POFUT2: variants seen among roughly 807,000 people sequenced by gnomAD.
The protein encoded by POFUT2 is GDP-fucose protein O-fucosyltransferase 2.
A neutral mutation model predicts 55.0 loss-of-function variants in POFUT2; 30 were observed. The ratio of observed to expected loss-of-function variants is 0.55; its 90% CI spans 0.41 to 0.74. The LOEUF (loss-of-function observed/expected upper bound fraction) is 0.74. Ranked by LOEUF, POFUT2 falls within the 30% of genes least tolerant of loss-of-function variation. The pLI is 0.00. For synonymous variants in POFUT2, 267 were observed against 231.1 expected (o/e 1.16, Z -1.41); for missense variants, 524 against 562.6 (o/e 0.93, Z 0.69).
chr21:45,274,882 A>G (rs2093249367), intron 6 of POFUT2, among the ~76,000 whole-genome samples: 1 of 152,242 alleles, frequency 6.6e-6, no homozygotes, highest in Admixed American at 6.5e-5. Flanking sequence ...TTAGGCAAAG[A>G]GTTCCTGACC....
rs776567342 is a variant in POFUT2 at position 45,287,721 on chromosome 21, C to A, written c.131+20G>T. Reference sequence around the variant, plus strand: ...CCCGGTCCTGGAACCCCAGCGTTGGCACCGTGGACGCGCGTTTACCGTCTG... The same window carrying A: ...CCCGGTCCTGGAACCCCAGCGTTGGAACCGTGGACGCGCGTTTACCGTCTG... On this transcript the variant is annotated intron_variant, in intron 1 of 8. Transcript: ENST00000349485. 7.9e-7 allele frequency: 1 copy of A among 1,261,296 alleles called. No individual in the cohort carries two copies. The allele number at this position is 1,261,296 out of a possible 1,614,324, so 78.1% of individuals were successfully genotyped here. A position where few individuals can be genotyped will look rare whatever the true frequency, so the allele number is the denominator to read the frequency against.
At chr21:45,278,067 A>G (rs1325860637) in intron 5 of POFUT2, 36 bp downstream of exon 5, 4 of 1,515,350 alleles carry the variant, frequency 2.6e-6, no homozygotes, top group South Asian at 1.1e-5. Context: ...GGCAACATAC[A>G]CTAACTGAGA....
intron 6 of POFUT2, among the ~76,000 whole-genome samples, chr21:45,274,001 A>G (rs149678950): frequency 6.6e-6 from 1 of 152,368 alleles, no homozygotes; most frequent in East Asian, 1.9e-4. Context: ...ACGGCATCCA[A>G]ATCAGTAAAG....
rs79644401 is a variant in POFUT2, at chr21:45,265,099, C to T, written c.*383G>A. ...TCCACCTGACGGAGGGCAGCTCACC[C>T]GCCTGCATCTATCCTCAATGCACTT... On this transcript the variant is annotated 3_prime_UTR_variant, in exon 9 of 9. Coordinates refer to ENST00000349485, the MANE Select transcript of POFUT2 (RefSeq NM_133635.6). This position sits in a 1 kb window ranked among gnomAD's most constrained non-coding sequence, Gnocchi z 4.6. 0.014 allele frequency: 2,247 copies of T among 164,904 alleles called. 50 individuals carry two copies. The highest frequency in any genetic ancestry group is 0.05 in the African/African-American group (2,113 of 42,056). The allele number at this position is 164,904 out of a possible 1,614,324, so 10.2% of individuals were successfully genotyped here. A position where few individuals can be genotyped will look rare whatever the true frequency, so the allele number is the denominator to read the frequency against.
Position 45,281,768 on chromosome 21 carries a change from C to A in POFUT2, c.638+581G>T, listed in dbSNP as rs1410410226. ...GGGAGGTGACGGAGAGGGTCCCAGT[C>A]TGCAGCAAGTTCTAAGAACGTGGCC... is the stretch of plus-strand genomic sequence containing the variant. On this transcript the variant is annotated intron_variant, in intron 4 of 8. Coordinates refer to ENST00000349485, the MANE Select transcript of POFUT2 (RefSeq NM_133635.6). The surrounding 1 kb of genome is among the most constrained non-coding windows in gnomAD (Gnocchi z 5.0). Among the ~76,000 whole-genome samples, 1 of 152,046 alleles carries A rather than the reference C, an allele frequency of 6.6e-6. No individual in the cohort carries two copies. The highest frequency in any genetic ancestry group is 1.5e-5 in the Non-Finnish European group (1 of 68,006).
rs145058810 is a variant in POFUT2 at position 45,278,359 on chromosome 21, C to T, written c.639-190G>A. On this transcript the variant is annotated intron_variant, in intron 4 of 8. Transcript: ENST00000349485. The stretch of plus-strand genomic sequence containing the variant: ...AGGCTGCTGTCTGGCCTCCACACCA[C>T]GGTTCTGAGAGGGCTTTAATGCCTA... Among the ~76,000 whole-genome samples, 446 of 152,264 alleles carry T rather than the reference C, an allele frequency of 2.9e-3. 2 individuals are homozygous for T. The highest frequency in any genetic ancestry group is 5.6e-3 in the Non-Finnish European group (382 of 68,006).
At chr21:45,280,267 T>A (rs1158220561) in intron 4 of POFUT2, among the ~76,000 whole-genome samples, 1 of 152,242 alleles carries the variant, frequency 6.6e-6, no homozygotes, top group Non-Finnish European at 1.5e-5. Context: ...TTCATGCACA[T>A]GGAACATGAC....
rs917402864 is a variant in POFUT2 at position 45,277,393 on chromosome 21, G to A, written c.706-251C>T. ...GCCAGCCCCTGCCGTGGGAAGCTGC[G>A]GCACACACTGGGCTCAGCTGGCCGT... On this transcript the variant is annotated intron_variant, in intron 5 of 8. Transcript: ENST00000349485. This position sits in a 1 kb window ranked among gnomAD's most constrained non-coding sequence, Gnocchi z 6.9. The A allele has an allele frequency of 4.0e-6, 2 of 497,694 alleles. No homozygotes were observed. The highest frequency in any genetic ancestry group is 3.4e-5 in the Admixed American group (1 of 29,302). The allele number at this position is 497,694 out of a possible 1,614,324, so 30.8% of individuals were successfully genotyped here.
intron 4 of POFUT2, among the ~76,000 whole-genome samples, chr21:45,280,447 G>A (rs1011431201): frequency 1.1e-4 from 16 of 152,190 alleles, no homozygotes; most frequent in African/African-American, 3.6e-4. Context: ...ACGTTCCTGG[G>A]CAGGGGTCTG....
chr21:45,285,734 T>A lies in POFUT2; in HGVS notation c.326A>T (p.Asp109Val), dbSNP rs954171303. 2.5e-6 allele frequency: 4 copies of A among 1,613,682 alleles called. No homozygotes were observed. In the African/African-American group the frequency reaches 5.3e-5, roughly 22 times the overall value. The change falls in exon 2 of 9, where the codon GAT becomes GTT. Residue 109 changes from aspartate to valine, a missense_variant. Transcript: ENST00000349485. This position sits in a 1 kb window ranked among gnomAD's most constrained non-coding sequence, Gnocchi z 4.9. ...GATGTTTTTATTGAGACTTGGAAGA[T>A]CAAAAAACTCAGACCAGGGAATCCG... ...QVRIPWSEFFDLPSLNKNIPV... is the reference protein window; with the variant it reads ...QVRIPWSEFFVLPSLNKNIPV...
At chr21:45,266,864 T>G in intron 8 of POFUT2, 1 of 1,004,848 alleles carries the variant, frequency 1.0e-6, no homozygotes, top group Non-Finnish European at 1.2e-6. Flanking sequence ...TCTACTTTCA[T>G]TTTCCATTTA....
Position 45,265,864 on chromosome 21 carries a change from C to T in POFUT2, c.1137-229G>A. ...GGGGCTCTGCCTGGTGCTGCAGCCCCATCCACACCCCACAGTCAGCAGCCG... is the reference window on the plus strand; with the variant it reads ...GGGGCTCTGCCTGGTGCTGCAGCCCTATCCACACCCCACAGTCAGCAGCCG... On this transcript the variant is annotated intron_variant, in intron 8 of 8. Transcript: ENST00000349485. The surrounding 1 kb of genome is among the most constrained non-coding windows in gnomAD (Gnocchi z 4.6). 8 of 1,373,952 alleles carry T rather than the reference C, an allele frequency of 5.8e-6. No homozygotes were observed. The highest frequency in any genetic ancestry group is 7.5e-6 in the Non-Finnish European group (8 of 1,060,284). The allele number at this position is 1,373,952 out of a possible 1,614,324, so 85.1% of individuals were successfully genotyped here.
At chr21:45,280,568 G>C (rs181422830) in intron 4 of POFUT2, among the ~76,000 whole-genome samples, 1 of 152,208 alleles carries the variant, frequency 6.6e-6, no homozygotes, top group Non-Finnish European at 1.5e-5. Context: ...ACAGCGGTTG[G>C]TTTCCCGAGC....
chr21:45,274,337 A>C (rs2093244647), intron 6 of POFUT2, among the ~76,000 whole-genome samples: 2 of 152,244 alleles, frequency 1.3e-5, no homozygotes, highest in Admixed American at 1.3e-4. Context: ...ATGGAAATAC[A>C]TCCCATGCTC....
rs1055153069 is a variant in POFUT2 at position 45,281,872 on chromosome 21, G to A, written c.638+477C>T. 2.0e-5 allele frequency among the ~76,000 whole-genome samples: 3 copies of A among 151,996 alleles called. No homozygotes were observed. In the East Asian group the frequency reaches 5.8e-4, roughly 29 times the overall value. On this transcript the variant is annotated intron_variant, in intron 4 of 8. Transcript: ENST00000349485. The surrounding 1 kb of genome is among the most constrained non-coding windows in gnomAD (Gnocchi z 5.0). ...ACCCCAGCCTCCTGGGTGGACCCTC[G>A]AGGCCCAGCTCACCAGGCCGGCGAC...
intron 8 of POFUT2, chr21:45,266,372 C>A: frequency 1.6e-6 from 2 of 1,269,698 alleles, no homozygotes; most frequent in East Asian, 1.0e-4. Flanking sequence ...CTCACCACCC[C>A]ACACACAGGG....
intron 6 of POFUT2, among the ~76,000 whole-genome samples, chr21:45,271,186 AC>A (rs1217460530): frequency 6.6e-6 from 1 of 152,198 alleles, no homozygotes; most frequent in Non-Finnish European, 1.5e-5. Flanking sequence ...GCTCCAGATA[AC>A]TAGGTATCTT....
chr21:45,280,806 C>A (rs932710587), intron 4 of POFUT2, among the ~76,000 whole-genome samples: 3 of 152,052 alleles, frequency 2.0e-5, no homozygotes, highest in Non-Finnish European at 1.5e-5. Flanking sequence ...ACTCGCCTCA[C>A]CCCAGGCTGC....
At chr21:45,268,308 G>A (rs1441069609) in intron 7 of POFUT2, among the ~76,000 whole-genome samples, 1 of 152,220 alleles carries the variant, frequency 6.6e-6, no homozygotes, top group Non-Finnish European at 1.5e-5. Context: ...AGGCTGGAGT[G>A]CAGTGGCGTG....
Sources: allele counts gnomAD v4.1 joint callset (sites outside exome capture counted in the v4.1 genomes callset), GRCh38; gene constraint gnomAD v4.1.1; non-coding constraint Gnocchi (gnomAD v3.1); transcripts MANE v1.5; gene names NCBI Gene and HGNC (gene_info 2026-07-23, HGNC 2026-07-21).